TCF12: variants seen among roughly 807,000 people sequenced by gnomAD.
TCF12 encodes DNA-binding protein HTF4.
Under a neutral mutation model 86.0 loss-of-function variants are expected in TCF12, and 45 were observed. The observed-to-expected ratio is 0.52, with a 90% CI of 0.41 to 0.67. TCF12 has a LOEUF of 0.67. TCF12 is among the 30% of genes least tolerant of loss of function. The pLI is 0.00. For missense variants in TCF12, 881 were observed against 859.9 expected (o/e 1.02, Z -0.31); for synonymous variants, 330 against 299.6 (o/e 1.10, Z -1.05).
intron 5 of TCF12, among the ~76,000 whole-genome samples, chr15:57,162,345 G>GA (rs2151516878): frequency 6.6e-6 from 1 of 152,202 alleles, no homozygotes; most frequent in African/African-American, 2.4e-5. Flanking sequence ...TTTAATTCAT[G>GA]AAAATAGTTC....
Position 57,192,260 on chromosome 15 carries a change from A to G in TCF12, c.493A>G (p.Arg165Gly), listed in dbSNP as rs1305048270. The change falls in exon 7 of 21, where the codon AGG (arginine) becomes GGG (glycine). Residue 165 changes from arginine to glycine, a missense_variant. Arg to Gly is a moderately radical substitution (Grantham distance 125). Transcript: ENST00000333725. ...CTATTCATTCTCTGCTACAAGTTCC[A>G]GGAGGAGACCACTCCATGACTCTGC... Reference protein sequence around the residue: ...AYYSFSATSSRRRPLHDSAAL... With the variant: ...AYYSFSATSSGRRPLHDSAAL... The G allele has an allele frequency of 1.2e-6, 2 of 1,614,076 alleles. No homozygotes were observed. Among genetic ancestry groups the G allele is most frequent in the Non-Finnish European group, 1.7e-6 (2 of 1,180,022 alleles).
At chr15:57,091,276 G>A (rs2048977541) in intron 4 of TCF12, among the ~76,000 whole-genome samples, 1 of 152,106 alleles carries the variant, frequency 6.6e-6, no homozygotes, top group South Asian at 2.1e-4. Flanking sequence ...TTGTGAATTA[G>A]TTTTAGTATT....
At chr15:57,262,897 C>T (rs2060653750) in intron 17 of TCF12, among the ~76,000 whole-genome samples, 2 of 152,296 alleles carry the variant, frequency 1.3e-5, no homozygotes, top group South Asian at 4.1e-4. Context: ...GGGGGTCAGA[C>T]TTGTTCTTCT....
At chr15:57,195,005 C>T (rs754002539) in intron 7 of TCF12, among the ~76,000 whole-genome samples, 2 of 152,126 alleles carry the variant, frequency 1.3e-5, no homozygotes, top group Admixed American at 6.5e-5. Context: ...CGGGCTCAAG[C>T]GAGTCTCCTG....
chr15:57,146,220 A>G (rs936949613), intron 5 of TCF12, among the ~76,000 whole-genome samples: 2 of 152,204 alleles, frequency 1.3e-5, no homozygotes, highest in African/African-American at 4.8e-5. Flanking sequence ...GGTAACCAGT[A>G]CTAGCATAAA....
intron 18 of TCF12, among the ~76,000 whole-genome samples, chr15:57,267,210 G>C (rs921493270): frequency 6.6e-6 from 1 of 152,188 alleles, no homozygotes; most frequent in Non-Finnish European, 1.5e-5. Context: ...AAAACTAAAA[G>C]AAGCAGAATG....
Position 57,034,752 on chromosome 15 carries a change from A to C in TCF12, c.149-28998A>C, listed in dbSNP as rs1280846068. Among the ~76,000 whole-genome samples the C allele has an allele frequency of 3.9e-5, 6 of 152,326 alleles. 1 individual carries two copies. The South Asian group carries it at 1.0e-3, about 26-fold the overall frequency. ...TTATAATGACTTCCCAAAACCGTATAGTTAATAAGCAGTATAATAGTGATT... is the reference window on the plus strand; with the variant it reads ...TTATAATGACTTCCCAAAACCGTATCGTTAATAAGCAGTATAATAGTGATT... On this transcript the variant is annotated intron_variant, in intron 3 of 20. Transcript: ENST00000333725.
rs553813292 is a variant in TCF12, at chr15:57,054,488, C to G, written c.149-9262C>G. ...CATCTTCCTTTTCTAACCACCAAAC[C>G]CAAATATAATTGTCTTGTTCAAGAA... is the stretch of plus-strand genomic sequence containing the variant. On this transcript the variant is annotated intron_variant, in intron 3 of 20. Transcript: ENST00000333725. 1.4e-3 allele frequency among the ~76,000 whole-genome samples: 212 copies of G among 152,224 alleles called. 1 individual carries two copies. Among genetic ancestry groups the G allele is most frequent in the Non-Finnish European group, 2.4e-3 (161 of 68,020 alleles).
At chr15:57,087,998 G>A (rs1227330955) in intron 4 of TCF12, among the ~76,000 whole-genome samples, 1 of 152,160 alleles carries the variant, frequency 6.6e-6, no homozygotes, top group African/African-American at 2.4e-5. Flanking sequence ...TATTAGCATA[G>A]TAACTTTCTA....
intron 5 of TCF12, among the ~76,000 whole-genome samples, chr15:57,130,345 A>AT (rs199790870): frequency 2.1e-4 from 32 of 151,222 alleles, no homozygotes; most frequent in African/African-American, 4.6e-4. Context: ...GACCATTTTG[A>AT]TTTTTTTTTT....
chr15:57,167,288 C>T (rs1333074227), intron 6 of TCF12, among the ~76,000 whole-genome samples: 2 of 152,164 alleles, frequency 1.3e-5, no homozygotes, highest in Non-Finnish European at 2.9e-5. Context: ...AGGCTGGCCA[C>T]GGTGGCTCAC....
chr15:57,196,361 C>T (rs1279689435), intron 7 of TCF12, among the ~76,000 whole-genome samples: 2 of 152,130 alleles, frequency 1.3e-5, no homozygotes, highest in African/African-American at 2.4e-5. Flanking sequence ...GCAAATACTA[C>T]ACCATTTTAT....
chr15:57,153,236 C>G (rs1431611304), intron 5 of TCF12, among the ~76,000 whole-genome samples: 1 of 152,138 alleles, frequency 6.6e-6, no homozygotes, highest in African/African-American at 2.4e-5. Flanking sequence ...GGATCTGCAC[C>G]AAGACTCCGC....
intron 3 of TCF12, among the ~76,000 whole-genome samples, chr15:57,048,325 G>A (rs1169383589): frequency 1.3e-5 from 2 of 152,046 alleles, no homozygotes; most frequent in Admixed American, 6.6e-5. Context: ...GCAGTGGCGC[G>A]ATCTCGGCTC....
intron 6 of TCF12, among the ~76,000 whole-genome samples, chr15:57,169,118 T>C (rs778307642): frequency 6.6e-5 from 10 of 152,188 alleles, no homozygotes; most frequent in Non-Finnish European, 1.3e-4. Context: ...TAAAAGTAAC[T>C]ACAAAGAATC....
At chr15:57,205,934 C>G (rs929253325) in intron 8 of TCF12, among the ~76,000 whole-genome samples, 2 of 152,180 alleles carry the variant, frequency 1.3e-5, no homozygotes, top group Non-Finnish European at 2.9e-5. Flanking sequence ...TACAGTGATA[C>G]TTGTTATTGT....
Position 57,219,251 on chromosome 15 carries a change from A to T in TCF12, c.580-11901A>T. On this transcript the variant is annotated intron_variant, in intron 8 of 20. Transcript: ENST00000333725. ...CATATTTATTTAGCGCTTAAAAGTG[A>T]CTTGCATTTTTTTAATACCTCAAAT... 3 of 1,165,168 alleles carry T rather than the reference A, an allele frequency of 2.6e-6. No homozygotes were observed. In the South Asian group the frequency reaches 1.2e-4, roughly 47 times the overall value. 72.2% of individuals were successfully genotyped at this position (1,165,168 alleles called of 1,614,324 possible).
chr15:57,026,485 A>G (rs1291097478), intron 3 of TCF12, among the ~76,000 whole-genome samples: 1 of 152,164 alleles, frequency 6.6e-6, no homozygotes, highest in East Asian at 1.9e-4. Flanking sequence ...AGGAATCCTG[A>G]CTTCTGCCAA....
intron 3 of TCF12, among the ~76,000 whole-genome samples, chr15:57,044,471 G>C (rs554324892): frequency 6.6e-6 from 1 of 152,074 alleles, no homozygotes; most frequent in Non-Finnish European, 1.5e-5. Flanking sequence ...TTTTTAAAAT[G>C]AACTTTTTGT....
Sources: allele counts gnomAD v4.1 joint callset (sites outside exome capture counted in the v4.1 genomes callset), GRCh38; gene constraint gnomAD v4.1.1; transcripts MANE v1.5; gene names NCBI Gene and HGNC (gene_info 2026-07-23, HGNC 2026-07-21).